The following TTC34 variants were observed in gnomAD, a reference collection of about 807,000 sequenced individuals.
TTC34 encodes the protein tetratricopeptide repeat protein 34.
Under a neutral mutation model 40.7 loss-of-function variants are expected in TTC34, and 44 were observed. The ratio of observed to expected loss-of-function variants is 1.08; its 90% CI spans 0.85 to 1.39. The LOEUF (loss-of-function observed/expected upper bound fraction) is 1.39. Ranked by LOEUF, TTC34 falls within the 40% of genes most tolerant of loss-of-function variation. The pLI, the probability that TTC34 is intolerant of heterozygous loss-of-function variation, is 0.00. For missense variants in TTC34, 884 were observed against 838.0 expected, an observed-to-expected ratio of 1.05 and a Z score of -0.68; for synonymous variants, 422 against 398.6, an observed-to-expected ratio of 1.06 and a Z score of -0.70.
chr1:2,651,540 C>A (rs889713272), intron 6 of TTC34, among the ~76,000 whole-genome samples: 1 of 151,380 alleles, frequency 6.6e-6, no homozygotes, highest in Admixed American at 6.6e-5. Flanking sequence ...ATCTGACAGC[C>A]TGGATCAGCA....
chr1:2,752,882 ACGGCACCCACACCCCCAGG>A (rs2100436548), intron 6 of TTC34, among the ~76,000 whole-genome samples: 1 of 150,868 alleles, frequency 6.6e-6, no homozygotes, highest in Middle Eastern at 3.4e-3. Context: ...ATGGCCTGGA[ACGGCACCCACACCCCCAGG>A]TGAGCATCCG....
chr1:2,752,324 C>T lies in TTC34; in HGVS notation c.2226+31285G>A, dbSNP rs1289315411. On this transcript the variant is annotated intron_variant, in intron 6 of 8. Transcript: ENST00000401095. ...GAGCATCTGACAGCCTGGAACAGCA[C>T]GCACACCCCCAGGTGAGCATCTGAC... 1.6e-3 allele frequency among the ~76,000 whole-genome samples: 193 copies of T among 123,758 alleles called. 31 individuals carry two copies. The highest frequency in any genetic ancestry group is 6.1e-3 in the African/African-American group (179 of 29,314). 81.2% of individuals were successfully genotyped at this position (123,758 alleles called of 152,430 possible).
At chr1:2,753,411 C>T (rs1349632687) in intron 6 of TTC34, among the ~76,000 whole-genome samples, 1 of 115,884 alleles carries the variant, frequency 8.6e-6, no homozygotes, top group African/African-American at 4.2e-5. Context: ...TAACAGCACC[C>T]ACACCCACAG....
intron 3 of TTC34, 80 bp downstream of exon 3, chr1:2,789,423 T>C: frequency 3.0e-6 from 4 of 1,347,496 alleles, no homozygotes; most frequent in Non-Finnish European, 3.0e-6. Flanking sequence ...CTTTGTAAAA[T>C]AGGAGGAAAC....
chr1:2,655,376 C>G (rs1570761277), intron 6 of TTC34, among the ~76,000 whole-genome samples: 1 of 113,920 alleles, frequency 8.8e-6, no homozygotes, highest in African/African-American at 3.4e-5. Context: ...AACCACACCC[C>G]CAGGTGAGCA....
At chr1:2,688,594 T>C (rs1640481472) in intron 6 of TTC34, among the ~76,000 whole-genome samples, 1 of 138,138 alleles carries the variant, frequency 7.2e-6, no homozygotes, top group Non-Finnish European at 1.5e-5. Flanking sequence ...TCCGACAGCC[T>C]GGAGCAGCAC....
intron 6 of TTC34, among the ~76,000 whole-genome samples, chr1:2,680,500 C>G (rs1456635989): frequency 2.9e-4 from 36 of 123,020 alleles, no homozygotes; most frequent in Non-Finnish European, 4.9e-4. Context: ...AGAACCCACA[C>G]CAACAGGCGA....
At chr1:2,688,664 T>A (rs1366579271) in intron 6 of TTC34, among the ~76,000 whole-genome samples, 1 of 123,276 alleles carries the variant, frequency 8.1e-6, no homozygotes, top group Non-Finnish European at 1.6e-5. Context: ...CAGGTGAGCC[T>A]CTGACAGCCT....
exon 5 of TTC34, chr1:2,785,944 T>C: frequency 1.3e-6 from 2 of 1,525,958 alleles, no homozygotes; most frequent in East Asian, 5.0e-5. Flanking sequence ...TTGAAGCAGC[T>C]GCCGGTCCTC....
At chr1:2,791,457 G>A (rs887852883) in intron 2 of TTC34, among the ~76,000 whole-genome samples, 1 of 152,170 alleles carries the variant, frequency 6.6e-6, no homozygotes, top group Admixed American at 6.5e-5. Context: ...GCAACAATCT[G>A]CTGCATTCAA....
intron 6 of TTC34, among the ~76,000 whole-genome samples, chr1:2,685,992 AC>A (rs1295094102): frequency 1.2e-5 from 1 of 80,770 alleles, no homozygotes; most frequent in Non-Finnish European, 2.3e-5. Context: ...ATGTATCAGC[AC>A]CCACACCCCC....
intron 6 of TTC34, among the ~76,000 whole-genome samples, chr1:2,692,013 C>T (rs539429607): frequency 1.5e-5 from 1 of 65,284 alleles, no homozygotes; most frequent in South Asian, 4.5e-4. Context: ...CAGCATGTAT[C>T]AGCACCCACA....
chr1:2,655,456 C>A (rs1264207738), intron 6 of TTC34, among the ~76,000 whole-genome samples: 1 of 142,948 alleles, frequency 7.0e-6, no homozygotes, highest in African/African-American at 2.6e-5. Flanking sequence ...ACCCACACCC[C>A]CAGGTGAGCA....
chr1:2,771,442 A>C (rs1364723929), intron 6 of TTC34, among the ~76,000 whole-genome samples: 1 of 76,644 alleles, frequency 1.3e-5, no homozygotes, highest in Non-Finnish European at 2.3e-5. Flanking sequence ...AGCACCCTGC[A>C]ACCCCAGGTG....
At chr1:2,657,506 G>T (rs1639393532) in intron 6 of TTC34, among the ~76,000 whole-genome samples, 1 of 97,182 alleles carries the variant, frequency 1.0e-5, no homozygotes, top group African/African-American at 3.1e-5. Context: ...CACAACCCCA[G>T]GCGAGCATCT....
intron 6 of TTC34, among the ~76,000 whole-genome samples, chr1:2,756,677 GCAGC>G (rs1641517509): frequency 7.6e-4 from 1 of 1,314 alleles, no homozygotes. Flanking sequence ...CCCCAGGTGA[GCAGC>G]TGAAATCCTG....
chr1:2,694,631 C>T (rs1296968389), intron 6 of TTC34, among the ~76,000 whole-genome samples: 1 of 80,834 alleles, frequency 1.2e-5, no homozygotes, highest in African/African-American at 3.9e-5. Flanking sequence ...GCACCCACAC[C>T]TCCCGGCGAG....
intron 6 of TTC34, among the ~76,000 whole-genome samples, chr1:2,769,710 A>C (rs1170090977): frequency 3.2e-3 from 167 of 51,786 alleles, no homozygotes; most frequent in Admixed American, 6.8e-3. Flanking sequence ...CAGCACCCAC[A>C]CCCCCAGGTG....
At chr1:2,792,203 C>G (rs1643671536) in intron 2 of TTC34, among the ~76,000 whole-genome samples, 1 of 151,344 alleles carries the variant, frequency 6.6e-6, no homozygotes. Context: ...CTCACTTTGT[C>G]ACCCAGGGTG....
Sources: allele counts gnomAD v4.1 joint callset (sites outside exome capture counted in the v4.1 genomes callset), GRCh38; gene constraint gnomAD v4.1.1; transcripts MANE v1.5; gene names NCBI Gene and HGNC (gene_info 2026-07-23, HGNC 2026-07-21).